TRIM2: variants seen among roughly 807,000 people sequenced by gnomAD.
TRIM2 encodes tripartite motif containing 2.
In TRIM2, 20 loss-of-function variants were observed where a neutral mutation model predicts 75.2. That is an observed-to-expected ratio of 0.27 (90% CI 0.19 to 0.39). The LOEUF (loss-of-function observed/expected upper bound fraction) is 0.39. Among genes scored for constraint, TRIM2 ranks in the 10% least tolerant of loss-of-function variants. The pLI is 1.00. For synonymous variants in TRIM2, 373 were observed against 388.3 expected (o/e 0.96, Z 0.46); for missense variants, 660 against 990.8 (o/e 0.67, Z 4.48).
chr4:153,224,623 C>T (rs1005035391), intron 1 of TRIM2, among the ~76,000 whole-genome samples: 2 of 152,090 alleles, frequency 1.3e-5, no homozygotes, highest in African/African-American at 4.8e-5. Context: ...ATCAGTATTC[C>T]CTGAGAACAT....
intron 1 of TRIM2, among the ~76,000 whole-genome samples, chr4:153,239,418 GCTCTCTCTCT>G (rs145312123): frequency 1.9e-3 from 280 of 147,022 alleles, no homozygotes; most frequent in African/African-American, 6.7e-3. Flanking sequence ...TAAAGATAGT[GCTCTCTCTCT>G]CTCTCTCTCT....
At chr4:153,328,458 AT>A (rs35996668) in intron 10 of TRIM2, 71 bp from the exon 11 acceptor site, 16 of 1,371,160 alleles carry the variant, frequency 1.2e-5, no homozygotes, top group African/African-American at 5.9e-5. Context: ...TCAAATAGAT[AT>A]TTTTTTAATC....
intron 1 of TRIM2, among the ~76,000 whole-genome samples, chr4:153,168,893 A>G (rs774624142): frequency 2.6e-5 from 4 of 152,136 alleles, no homozygotes; most frequent in Admixed American, 6.5e-5. Context: ...CCTGAGCAAT[A>G]TAGCAAGACC....
chr4:153,244,879 G>A (rs951740957), intron 1 of TRIM2, among the ~76,000 whole-genome samples: 2 of 152,220 alleles, frequency 1.3e-5, no homozygotes, highest in African/African-American at 2.4e-5. Context: ...TGGGATACCT[G>A]TTTTACAGCT....
intron 1 of TRIM2, among the ~76,000 whole-genome samples, chr4:153,230,735 C>G (rs1743395537): frequency 6.6e-6 from 1 of 152,192 alleles, no homozygotes; most frequent in African/African-American, 2.4e-5. Flanking sequence ...GTAGTTTTCT[C>G]CATCCATCCT....
At chr4:153,280,349 T>C (rs1759016849) in intron 3 of TRIM2, among the ~76,000 whole-genome samples, 1 of 150,260 alleles carries the variant, frequency 6.7e-6, no homozygotes. Context: ...TGACATTGGC[T>C]GTAAAATTAT....
At chr4:153,274,823 T>C (rs976226527) in intron 2 of TRIM2, among the ~76,000 whole-genome samples, 8 of 152,138 alleles carry the variant, frequency 5.3e-5, no homozygotes. Flanking sequence ...TAAGATAAAA[T>C]TGAAAAACAT....
intron 1 of TRIM2, among the ~76,000 whole-genome samples, chr4:153,169,569 T>A (rs1730640743): frequency 6.6e-6 from 1 of 152,190 alleles, no homozygotes; most frequent in African/African-American, 2.4e-5. Flanking sequence ...TATTTCAAGT[T>A]TTGTAAATAT....
At chr4:153,302,719 C>T (rs1195052981) in intron 6 of TRIM2, among the ~76,000 whole-genome samples, 2 of 152,224 alleles carry the variant, frequency 1.3e-5, no homozygotes, top group Non-Finnish European at 2.9e-5. Flanking sequence ...TCTGTGCTCT[C>T]ACACACCTTT....
At chr4:153,226,219 C>G (rs1277995947) in intron 1 of TRIM2, among the ~76,000 whole-genome samples, 1 of 152,218 alleles carries the variant, frequency 6.6e-6, no homozygotes, top group African/African-American at 2.4e-5. Context: ...GAAATATTCT[C>G]TCCCTAGAAT....
At chr4:153,218,965 T>C (rs564474068) in intron 1 of TRIM2, among the ~76,000 whole-genome samples, 3 of 147,610 alleles carry the variant, frequency 2.0e-5, no homozygotes, top group Admixed American at 6.9e-5. Flanking sequence ...CCGCTTTGCT[T>C]TGGATTACAG....
chr4:153,280,778 G>C (rs150097646), intron 3 of TRIM2, among the ~76,000 whole-genome samples: 1 of 151,770 alleles, frequency 6.6e-6, no homozygotes, highest in Non-Finnish European at 1.5e-5. Context: ...TCTGCCTCCC[G>C]GGTTCACACC....
In TRIM2 at chr4:153,169,547, AT is replaced by A. The variant is rs368953609; in HGVS notation, c.-49+16282del. On this transcript the variant is annotated intron_variant, in intron 1 of 11. Coordinates refer to the TRIM2 transcript ENST00000437508. Reference sequence around the variant, plus strand: ...TGAGGTAGCATTTTTTTGACCTATCATTTTTCTGGCATATTTCAAGTTTTGT... The same window carrying A: ...TGAGGTAGCATTTTTTTGACCTATCATTTTCTGGCATATTTCAAGTTTTGT... Among the ~76,000 whole-genome samples, 1,082 of 151,744 alleles carry A rather than the reference AT, an allele frequency of 7.1e-3. 13 individuals are homozygous for A. The highest frequency in any genetic ancestry group is 0.023 in the African/African-American group (949 of 41,348).
chr4:153,190,279 G>A (rs192718541), intron 1 of TRIM2, among the ~76,000 whole-genome samples: 7 of 152,336 alleles, frequency 4.6e-5, no homozygotes, highest in African/African-American at 1.2e-4. Flanking sequence ...AAAAGAGGCT[G>A]TACCTTAAAC....
intron 1 of TRIM2, among the ~76,000 whole-genome samples, chr4:153,215,470 G>A (rs1738215237): frequency 6.6e-6 from 1 of 151,556 alleles, no homozygotes; most frequent in Non-Finnish European, 1.5e-5. Flanking sequence ...GCTGATCTGG[G>A]CTCTTGCTGC....
chr4:153,217,217 C>A (rs534142381), intron 1 of TRIM2, among the ~76,000 whole-genome samples: 1 of 152,060 alleles, frequency 6.6e-6, no homozygotes, highest in South Asian at 2.1e-4. Context: ...AAACTCCCCA[C>A]GGAGTATACA....
At chr4:153,236,284 A>G (rs1375029939) in intron 1 of TRIM2, among the ~76,000 whole-genome samples, 3 of 152,108 alleles carry the variant, frequency 2.0e-5, no homozygotes, top group Middle Eastern at 3.2e-3. Context: ...GCCATCCCCA[A>G]CATGGCTTCT....
chr4:153,293,046 A>G lies in TRIM2; in HGVS notation c.518A>G (p.His173Arg). The G allele has an allele frequency of 1.9e-6, 3 of 1,613,834 alleles. No homozygotes were observed. The highest frequency in any genetic ancestry group is 2.5e-6 in the Non-Finnish European group (3 of 1,179,790). ...TGTCGGGAGTGCACGGAGGGGGAGCACGCAGAGCACCCCACAGTTCCACTC... is the reference window on the plus strand; with the variant it reads ...TGTCGGGAGTGCACGGAGGGGGAGCGCGCAGAGCACCCCACAGTTCCACTC... The part of the protein sequence containing the change: ...AMCRECTEGE[H>R]AEHPTVPLKD... Residue 173 changes from histidine (H) to arginine (R), a missense_variant, in exon 4 of 12, where the codon CAC becomes CGC. Around this residue, in one of 2 missense-constraint regions of TRIM2, gnomAD observed 620 missense variants for 891.0 expected, o/e 0.70. Transcript: ENST00000338700.
chr4:153,157,729 T>G (rs1405595066), intron 1 of TRIM2, among the ~76,000 whole-genome samples: 1 of 152,164 alleles, frequency 6.6e-6, no homozygotes, highest in African/African-American at 2.4e-5. Flanking sequence ...AGGGGATGAA[T>G]AGTGGGGTGC....
Sources: allele counts gnomAD v4.1 joint callset (sites outside exome capture counted in the v4.1 genomes callset), GRCh38; gene constraint gnomAD v4.1.1; regional missense constraint gnomAD v4.1.1; transcripts MANE v1.5; gene names NCBI Gene and HGNC (gene_info 2026-07-23, HGNC 2026-07-21).